Variants in KCNIP4 observed in about 807,000 individuals in gnomAD.
KCNIP4 encodes the protein potassium voltage-gated channel interacting protein 4, also known as Kv channel-interacting protein 4.
Under a neutral mutation model 34.0 loss-of-function variants are expected in KCNIP4, and 12 were observed. The ratio of observed to expected loss-of-function variants is 0.35; its 90% CI spans 0.23 to 0.57. The LOEUF is 0.57. Ranked by LOEUF, KCNIP4 falls within the 20% of genes least tolerant of loss-of-function variation. The probability of loss-of-function intolerance (pLI) is 0.83; values close to 1 mark genes in which losing one functional copy is unlikely to be tolerated. For synonymous variants in KCNIP4, 124 were observed against 102.2 expected (o/e 1.21, Z -1.29); for missense variants, 238 against 311.7 (o/e 0.76, Z 1.78).
intron 1 of KCNIP4, among the ~76,000 whole-genome samples, chr4:21,526,204 G>A (rs916983969): frequency 1.3e-5 from 2 of 152,134 alleles, no homozygotes; most frequent in African/African-American, 4.8e-5. Context: ...CCCTGTGGTA[G>A]GTAACTGAAT....
At chr4:21,546,767 A>G (rs778127538) in intron 1 of KCNIP4, among the ~76,000 whole-genome samples, 2 of 152,080 alleles carry the variant, frequency 1.3e-5, no homozygotes, top group Non-Finnish European at 2.9e-5. Flanking sequence ...ACATTAACAT[A>G]TCATTATAAT....
chr4:20,785,737 A>T (rs1711895125), intron 3 of KCNIP4, among the ~76,000 whole-genome samples: 2 of 152,138 alleles, frequency 1.3e-5, no homozygotes, highest in Non-Finnish European at 2.9e-5. Context: ...TGATTTTTAA[A>T]ACTGGTTAAC....
At chr4:21,513,678 A>T (rs532262787) in intron 1 of KCNIP4, among the ~76,000 whole-genome samples, 1 of 152,346 alleles carries the variant, frequency 6.6e-6, no homozygotes, top group Admixed American at 6.5e-5. Context: ...TTCACGTGGC[A>T]TGTGCTAAAT....
At chr4:21,097,410 T>A (rs545070578) in intron 1 of KCNIP4, among the ~76,000 whole-genome samples, 1 of 150,240 alleles carries the variant, frequency 6.7e-6, no homozygotes, top group East Asian at 1.9e-4. Flanking sequence ...AGATACCACA[T>A]TTTTTTTACA....
chr4:20,973,273 G>A (rs2322794), intron 1 of KCNIP4, among the ~76,000 whole-genome samples: 2 of 152,134 alleles, frequency 1.3e-5, no homozygotes, highest in African/African-American at 2.4e-5. Context: ...TTGCTGCTTC[G>A]CTTTGCACTC....
intron 1 of KCNIP4, among the ~76,000 whole-genome samples, chr4:21,644,168 G>GT (rs1344144535): frequency 1.3e-5 from 2 of 152,108 alleles, no homozygotes; most frequent in African/African-American, 4.8e-5. Context: ...AGATTGCAAT[G>GT]TAGTTACCAT....
At chr4:21,427,237 C>T (rs887390614) in intron 1 of KCNIP4, among the ~76,000 whole-genome samples, 3 of 151,440 alleles carry the variant, frequency 2.0e-5, no homozygotes, top group Non-Finnish European at 4.4e-5. Flanking sequence ...TCAGACTTAG[C>T]GTTTATTTAT....
chr4:20,932,666 C>T (rs1325081092), intron 1 of KCNIP4, among the ~76,000 whole-genome samples: 1 of 151,952 alleles, frequency 6.6e-6, no homozygotes, highest in African/African-American at 2.4e-5. Flanking sequence ...ACTTGTAAAC[C>T]TCAGATATAC....
chr4:21,045,071 G>A (rs1332775604), intron 1 of KCNIP4, among the ~76,000 whole-genome samples: 7 of 152,160 alleles, frequency 4.6e-5, no homozygotes, highest in African/African-American at 1.2e-4. Context: ...CTATGGGGAC[G>A]CATAATTTTT....
intron 1 of KCNIP4, among the ~76,000 whole-genome samples, chr4:21,501,282 T>A (rs1733321384): frequency 6.9e-6 from 1 of 144,974 alleles, no homozygotes; most frequent in South Asian, 2.3e-4. Context: ...ACATGCCATG[T>A]CCTAACTTGA....
chr4:20,871,466 A>G (rs754875392), intron 2 of KCNIP4, among the ~76,000 whole-genome samples: 6 of 152,104 alleles, frequency 3.9e-5, no homozygotes, highest in Non-Finnish European at 8.8e-5. Flanking sequence ...ATACATTTAA[A>G]AAAAAAAATT....
chr4:21,259,106 G>A (rs1053092439), intron 1 of KCNIP4, among the ~76,000 whole-genome samples: 3 of 152,140 alleles, frequency 2.0e-5, no homozygotes, highest in Non-Finnish European at 4.4e-5. Flanking sequence ...ATAGTTCATA[G>A]TGAAGCTGTG....
intron 1 of KCNIP4, among the ~76,000 whole-genome samples, chr4:21,151,812 T>C (rs1425172943): frequency 2.0e-5 from 3 of 152,154 alleles, no homozygotes; most frequent in African/African-American, 7.2e-5. Flanking sequence ...GCCTTGTGCA[T>C]AGGCTCTGAA....
intron 1 of KCNIP4, among the ~76,000 whole-genome samples, chr4:21,235,811 T>C (rs531773783): frequency 1.1e-4 from 17 of 152,252 alleles, no homozygotes; most frequent in Admixed American, 6.5e-4. Context: ...CTATGGAAAG[T>C]GCTTACATGT....
intron 1 of KCNIP4, among the ~76,000 whole-genome samples, chr4:21,121,063 A>G (rs1577727743): frequency 1.3e-5 from 2 of 152,318 alleles, no homozygotes; most frequent in East Asian, 3.9e-4. Flanking sequence ...CTCGAAGAAT[A>G]CATAAGCCAT....
At chr4:20,754,776 A>C (rs759953897) in intron 4 of KCNIP4, among the ~76,000 whole-genome samples, 5 of 152,194 alleles carry the variant, frequency 3.3e-5, no homozygotes, top group Non-Finnish European at 7.3e-5. Flanking sequence ...GATGTTCTCT[A>C]ATGCAGAAAT....
intron 1 of KCNIP4, among the ~76,000 whole-genome samples, chr4:21,714,198 A>G (rs1056496146): frequency 6.6e-6 from 1 of 152,064 alleles, no homozygotes; most frequent in Non-Finnish European, 1.5e-5. Flanking sequence ...AAGATTAATA[A>G]ATTGTCATCA....
rs536991899 is a variant in KCNIP4 at position 20,894,568 on chromosome 4, G to T, written c.62-11859C>A. On this transcript the variant is annotated intron_variant, in intron 1 of 8. Transcript: ENST00000382152. Reference sequence around the variant, plus strand: ...TTATTTTCTCTTAGTATAAAATCCTGCAGAATCTCATAGTCTACTCTAAGA... The same window carrying T: ...TTATTTTCTCTTAGTATAAAATCCTTCAGAATCTCATAGTCTACTCTAAGA... Among the ~76,000 whole-genome samples, 9 of 152,200 alleles carry T rather than the reference G, an allele frequency of 5.9e-5. No homozygotes were observed. The South Asian group carries it at 1.7e-3, about 28-fold the overall frequency.
At chr4:21,229,735 A>G (rs1251288678) in intron 1 of KCNIP4, among the ~76,000 whole-genome samples, 1 of 152,144 alleles carries the variant, frequency 6.6e-6, no homozygotes, top group East Asian at 1.9e-4. Flanking sequence ...GAGAGTAAAA[A>G]GATGAGCAAG....
Sources: allele counts gnomAD v4.1 joint callset (sites outside exome capture counted in the v4.1 genomes callset), GRCh38; gene constraint gnomAD v4.1.1; transcripts MANE v1.5; gene names NCBI Gene and HGNC (gene_info 2026-07-23, HGNC 2026-07-21).